ROBO2: variants seen among roughly 807,000 people sequenced by gnomAD.
The protein encoded by ROBO2 is roundabout homolog 2.
Under a neutral mutation model 160.8 loss-of-function variants are expected in ROBO2, and 53 were observed. That is an observed-to-expected ratio of 0.33 (90% CI 0.26 to 0.41). The LOEUF (loss-of-function observed/expected upper bound fraction) is 0.41, where lower values mean the gene tolerates loss of function less well. Ranked by LOEUF, ROBO2 falls within the 10% of genes least tolerant of loss-of-function variation. The pLI, the probability that ROBO2 is intolerant of heterozygous loss-of-function variation, is 1.00. For synonymous variants in ROBO2, 664 were observed against 611.7 expected, an observed-to-expected ratio of 1.09 and a Z score of -1.26; for missense variants, 1,577 against 1,722.4, an observed-to-expected ratio of 0.92 and a Z score of 1.49.
intron 2 of ROBO2, among the ~76,000 whole-genome samples, chr3:76,558,097 A>C (rs2083921157): frequency 6.6e-6 from 1 of 152,086 alleles, no homozygotes; most frequent in Admixed American, 6.6e-5. Flanking sequence ...AGATAAACCC[A>C]GCTAGGAATA....
chr3:76,581,747 C>A (rs1206986680), intron 2 of ROBO2, among the ~76,000 whole-genome samples: 1 of 152,092 alleles, frequency 6.6e-6, no homozygotes, highest in Non-Finnish European at 1.5e-5. Flanking sequence ...AATCTTAATT[C>A]ATGCACAATA....
At chr3:76,222,114 A>G (rs545711272) in intron 2 of ROBO2, among the ~76,000 whole-genome samples, 4 of 152,222 alleles carry the variant, frequency 2.6e-5, no homozygotes, top group Non-Finnish European at 5.9e-5. Flanking sequence ...TGCTGAGTGC[A>G]TGCATAACCT....
intron 2 of ROBO2, among the ~76,000 whole-genome samples, chr3:76,610,401 C>G (rs553109591): frequency 6.6e-6 from 1 of 152,156 alleles, no homozygotes; most frequent in Admixed American, 6.5e-5. Flanking sequence ...GTGCTCAGCC[C>G]ACAGCTGGAA....
At chr3:77,539,252 A>C (rs1201578625) in intron 6 of ROBO2, among the ~76,000 whole-genome samples, 1 of 152,086 alleles carries the variant, frequency 6.6e-6, no homozygotes, top group Non-Finnish European at 1.5e-5. Context: ...CCATTGTTAC[A>C]CAATGTCTTT....
intron 2 of ROBO2, among the ~76,000 whole-genome samples, chr3:76,659,642 C>T (rs1389572566): frequency 6.6e-6 from 1 of 152,010 alleles, no homozygotes; most frequent in Non-Finnish European, 1.5e-5. Context: ...AAGCCTACGA[C>T]TTAGATGTTA....
chr3:77,039,003 T>C (rs2063809564), upstream of ROBO2, among the ~76,000 whole-genome samples: 1 of 152,150 alleles, frequency 6.6e-6, no homozygotes. Flanking sequence ...TCCCCGTCCT[T>C]AGCATCTTCT....
At chr3:76,499,860 C>CT (rs1054767767) in intron 2 of ROBO2, among the ~76,000 whole-genome samples, 2 of 151,988 alleles carry the variant, frequency 1.3e-5, no homozygotes, top group Non-Finnish European at 2.9e-5. Context: ...ATGAATTCTC[C>CT]TTTTTTTAAT....
At chr3:75,999,330 G>A (rs2065817474) in intron 2 of ROBO2, among the ~76,000 whole-genome samples, 1 of 152,038 alleles carries the variant, frequency 6.6e-6, no homozygotes, top group Non-Finnish European at 1.5e-5. Context: ...ACAAGTCCAA[G>A]GGTTAATCAA....
At chr3:76,979,292 G>A (rs191197393) in intron 2 of ROBO2, among the ~76,000 whole-genome samples, 21 of 152,028 alleles carry the variant, frequency 1.4e-4, no homozygotes, top group African/African-American at 5.1e-4. Context: ...GTGAAGTCTG[G>A]GCTTTTAGTG....
chr3:77,178,363 T>C (rs1158687914), intron 2 of ROBO2, among the ~76,000 whole-genome samples: 1 of 152,088 alleles, frequency 6.6e-6, no homozygotes, highest in Non-Finnish European at 1.5e-5. Flanking sequence ...TTAGAACTTT[T>C]TGTTGATGCC....
Position 77,097,807 on chromosome 3 carries a change from C to CT in ROBO2, c.62-204dup, listed in dbSNP as rs2071293675. Among the ~76,000 whole-genome samples the CT allele has an allele frequency of 3.3e-5, 5 of 152,082 alleles. No individual in the cohort carries two copies. In the South Asian group the frequency reaches 1.0e-3, roughly 32 times the overall value. ...TCATGGAACACATTAAACCTAACTC[C>CT]TTTGAGTTAACATATTAATTTATTG... On this transcript the variant is annotated intron_variant, in intron 1 of 25. Coordinates refer to ENST00000461745, the Ensembl canonical transcript of ROBO2.
At chr3:77,459,248 G>A (rs2081994669) in intron 2 of ROBO2, among the ~76,000 whole-genome samples, 2 of 152,112 alleles carry the variant, frequency 1.3e-5, no homozygotes, top group Admixed American at 1.3e-4. Flanking sequence ...TACCTTCAAT[G>A]CATATTACAT....
At chr3:77,123,229 A>T (rs542624288) in intron 2 of ROBO2, among the ~76,000 whole-genome samples, 1 of 152,322 alleles carries the variant, frequency 6.6e-6, no homozygotes, top group East Asian at 1.9e-4. Context: ...TTTTAGTTCT[A>T]TGCCATATTA....
In ROBO2 at chr3:76,103,870, C is replaced by T. The variant is rs80065643; in HGVS notation, c.109+166268C>T. ...CTCCTGGTGGGGCTGCTGCTGTTGACGCAGTGCTTATGCCGAAGTTGATTT... is the reference window on the plus strand; with the variant it reads ...CTCCTGGTGGGGCTGCTGCTGTTGATGCAGTGCTTATGCCGAAGTTGATTT... On this transcript the variant is annotated intron_variant, in intron 2 of 26. Transcript: ENST00000487694. Among the ~76,000 whole-genome samples the T allele has an allele frequency of 3.8e-3, 586 of 152,262 alleles. 6 individuals carry two copies. Among genetic ancestry groups the T allele is most frequent in the African/African-American group, 0.013 (556 of 41,552 alleles).
At chr3:76,099,708 T>G (rs1208027096) in intron 2 of ROBO2, among the ~76,000 whole-genome samples, 2 of 152,210 alleles carry the variant, frequency 1.3e-5, no homozygotes, top group East Asian at 3.9e-4. Context: ...TCTGATTTTT[T>G]TCTCTAAAAA....
chr3:77,469,908 G>C (rs755108005), intron 2 of ROBO2, among the ~76,000 whole-genome samples: 1 of 152,160 alleles, frequency 6.6e-6, no homozygotes, highest in Non-Finnish European at 1.5e-5. Flanking sequence ...CAACTAGAGA[G>C]CTCTTTGGAG....
intron 2 of ROBO2, among the ~76,000 whole-genome samples, chr3:76,189,723 T>C (rs1275870371): frequency 6.6e-6 from 1 of 152,136 alleles, no homozygotes; most frequent in Non-Finnish European, 1.5e-5. Context: ...GAAGTCATTT[T>C]CTATGAAAAG....
intron 2 of ROBO2, among the ~76,000 whole-genome samples, chr3:77,462,587 A>G (rs2082355007): frequency 6.6e-6 from 1 of 152,200 alleles, no homozygotes; most frequent in Admixed American, 6.5e-5. Flanking sequence ...TGTTGAATCC[A>G]GTTGGGAAAG....
At chr3:76,097,896 C>T (rs1245576124) in intron 2 of ROBO2, among the ~76,000 whole-genome samples, 4 of 152,086 alleles carry the variant, frequency 2.6e-5, no homozygotes, top group Admixed American at 1.3e-4. Flanking sequence ...TTTATTTCCC[C>T]TAGGACACTT....
Sources: allele counts gnomAD v4.1 joint callset (sites outside exome capture counted in the v4.1 genomes callset), GRCh38; gene constraint gnomAD v4.1.1; transcripts MANE v1.5; gene names NCBI Gene and HGNC (gene_info 2026-07-23, HGNC 2026-07-21).